GMDS: variants seen among roughly 807,000 people sequenced by gnomAD.
The protein encoded by GMDS is GDP-mannose 4,6-dehydratase.
In GMDS, 20 loss-of-function variants were observed where a neutral mutation model predicts 49.9. The observed-to-expected ratio is 0.40, with a 90% confidence interval of 0.28 to 0.58. The LOEUF is 0.58. GMDS is among the 20% of genes least tolerant of loss of function. GMDS has a pLI of 0.42. For missense variants in GMDS, 362 were observed against 481.4 expected (o/e 0.75, Z 2.32); for synonymous variants, 177 against 178.6 (o/e 0.99, Z 0.07).
At chr6:2,015,787 G>GC (rs1767853262) in intron 4 of GMDS, among the ~76,000 whole-genome samples, 3 of 152,098 alleles carry the variant, frequency 2.0e-5, no homozygotes, top group Admixed American at 2.0e-4. Flanking sequence ...CATCTTAACT[G>GC]GACATTTATC....
At chr6:2,015,760 C>T (rs1371165678) in intron 4 of GMDS, among the ~76,000 whole-genome samples, 9 of 152,200 alleles carry the variant, frequency 5.9e-5, no homozygotes, top group Admixed American at 4.6e-4. Flanking sequence ...CTTCTACCCA[C>T]AAATTTAATG....
intron 6 of GMDS, among the ~76,000 whole-genome samples, chr6:1,945,785 C>G (rs1014984314): frequency 2.0e-5 from 3 of 152,182 alleles, no homozygotes; most frequent in African/African-American, 7.2e-5. Flanking sequence ...CAACATTCTT[C>G]AAATCACTCA....
chr6:1,899,386 G>T (rs886411947), intron 7 of GMDS, among the ~76,000 whole-genome samples: 1 of 151,986 alleles, frequency 6.6e-6, no homozygotes, highest in Non-Finnish European at 1.5e-5. Flanking sequence ...ATGTAAGACC[G>T]TGGTCCCCAC....
At chr6:1,880,250 C>T (rs891182083) in intron 7 of GMDS, among the ~76,000 whole-genome samples, 2 of 140,498 alleles carry the variant, frequency 1.4e-5, no homozygotes, top group African/African-American at 5.3e-5. Flanking sequence ...GAGTTTAAGA[C>T]CAGCCTGAAC....
At chr6:1,666,094 G>A (rs1038046711) in intron 9 of GMDS, among the ~76,000 whole-genome samples, 7 of 152,166 alleles carry the variant, frequency 4.6e-5, no homozygotes, top group African/African-American at 1.7e-4. Flanking sequence ...CGGTCTACAG[G>A]AGGGCTTTCA....
intron 7 of GMDS, among the ~76,000 whole-genome samples, chr6:1,847,054 C>G (rs978656699): frequency 6.6e-6 from 1 of 151,986 alleles, no homozygotes; most frequent in African/African-American, 2.4e-5. Flanking sequence ...GTAAATATTT[C>G]CCCCACCCCC....
At chr6:2,026,685 C>T (rs1336474957) in intron 4 of GMDS, among the ~76,000 whole-genome samples, 1 of 152,176 alleles carries the variant, frequency 6.6e-6, no homozygotes. Flanking sequence ...GAATTCCTCC[C>T]AGTGCCTGGT....
chr6:1,903,798 C>T (rs1760621469), intron 7 of GMDS, among the ~76,000 whole-genome samples: 1 of 152,192 alleles, frequency 6.6e-6, no homozygotes, highest in Admixed American at 6.5e-5. Flanking sequence ...CCCTCAGTGC[C>T]CTCCCAACCC....
At chr6:2,093,511 C>T (rs1473821685) in intron 4 of GMDS, among the ~76,000 whole-genome samples, 1 of 151,968 alleles carries the variant, frequency 6.6e-6, no homozygotes, top group Non-Finnish European at 1.5e-5. Flanking sequence ...TTATAGATAA[C>T]CAGGGAGAGG....
intron 7 of GMDS, among the ~76,000 whole-genome samples, chr6:1,852,625 T>C (rs1238449378): frequency 3.9e-5 from 6 of 152,204 alleles, no homozygotes; most frequent in Non-Finnish European, 7.3e-5. Flanking sequence ...AGTGTCTTTT[T>C]TTTTCTCTTA....
Position 2,245,518 on chromosome 6 carries a change from C to T in GMDS, c.-96G>A. The stretch of plus-strand genomic sequence containing the variant: ...CGCGGGGGTGTGCAGCACGAAGCGC[C>T]TCTCCAGGCTGCGGGCAGGGAGGGA... On this transcript the variant is annotated 5_prime_UTR_variant, in exon 1 of 11. Transcript: ENST00000380815. The T allele has an allele frequency of 1.7e-6, 1 of 598,388 alleles. No individual in the cohort carries two copies. Among genetic ancestry groups the T allele is most frequent in the Admixed American group, 4.5e-5 (1 of 22,254 alleles). 37.1% of individuals were successfully genotyped at this position (598,388 alleles called of 1,614,324 possible). A position where few individuals can be genotyped will look rare whatever the true frequency, so the allele number is the denominator to read the frequency against.
intron 4 of GMDS, among the ~76,000 whole-genome samples, chr6:1,988,941 T>C (rs971194519): frequency 9.9e-5 from 15 of 151,518 alleles, no homozygotes; most frequent in African/African-American, 3.6e-4. Flanking sequence ...CCGGGAGCAG[T>C]GAGCAGTAAG....
chr6:1,726,350 A>G, intron 9 of GMDS, 66 bp downstream of exon 9: 6 of 1,023,198 alleles, frequency 5.9e-6, no homozygotes, highest in Non-Finnish European at 9.4e-6. Context: ...CAGGCATTCC[A>G]TGAGCGCATT....
chr6:1,654,467 T>C lies in GMDS; in HGVS notation c.988-29927A>G, dbSNP rs576451275. On this transcript the variant is annotated intron_variant, in intron 9 of 10. Coordinates refer to ENST00000380815, the MANE Select transcript of GMDS (RefSeq NM_001500.4). ...ATTTTGACACCTGCTACAACATGGA[T>C]AAATCATGCATCGACTATGCTGTAA... Among the ~76,000 whole-genome samples the C allele has an allele frequency of 4.6e-5, 7 of 152,328 alleles. No homozygotes were observed. The South Asian group carries it at 1.5e-3, about 32-fold the overall frequency.
chr6:1,678,579 ATT>A, intron 9 of GMDS, among the ~76,000 whole-genome samples: 1 of 145,884 alleles, frequency 6.9e-6, no homozygotes, highest in Admixed American at 6.9e-5. Flanking sequence ...ATGGACTTTT[ATT>A]TTTTTTTTTC....
intron 4 of GMDS, among the ~76,000 whole-genome samples, chr6:2,025,161 A>T (rs1768507881): frequency 6.6e-6 from 1 of 152,152 alleles, no homozygotes; most frequent in Non-Finnish European, 1.5e-5. Flanking sequence ...CTAACATTCA[A>T]TAAAAGAAGG....
intron 9 of GMDS, among the ~76,000 whole-genome samples, chr6:1,708,272 C>T (rs771410233): frequency 6.6e-6 from 1 of 152,230 alleles, no homozygotes; most frequent in East Asian, 1.9e-4. Flanking sequence ...AAGGCTGTAA[C>T]TTTCCCGACA....
chr6:2,018,772 T>C (rs1286922747), intron 4 of GMDS, among the ~76,000 whole-genome samples: 10 of 152,208 alleles, frequency 6.6e-5, no homozygotes, highest in African/African-American at 2.2e-4. Context: ...CTTTTGGCTA[T>C]TATGAATAAT....
intron 8 of GMDS, among the ~76,000 whole-genome samples, chr6:1,737,839 ACAGATACGCG>A (rs1443156778): frequency 6.7e-6 from 1 of 148,660 alleles, no homozygotes; most frequent in African/African-American, 2.5e-5. Flanking sequence ...CACCACACAC[ACAGATACGCG>A]CACAGATATG....
Sources: gnomAD v4.1 joint callset for allele counts (sites outside exome capture counted in the v4.1 genomes callset) on GRCh38, gnomAD v4.1.1 for gene constraint, MANE v1.5 for transcripts, NCBI Gene and HGNC (gene_info 2026-07-23, HGNC 2026-07-21) for gene names.